NRL: variants seen among roughly 807,000 people sequenced by gnomAD.
The protein encoded by NRL is neural retina-specific leucine zipper protein.
A neutral mutation model predicts 12.5 loss-of-function variants in NRL; 16 were observed. The observed-to-expected ratio is 1.28, with a 90% confidence interval of 0.87 to 1.95. NRL has a LOEUF of 1.95. Ranked by LOEUF, NRL falls within the 30% of genes most tolerant of loss-of-function variation. NRL has a pLI of 0.00. For missense variants in NRL, 314 were observed against 325.8 expected, an observed-to-expected ratio of 0.96 and a Z score of 0.28; for synonymous variants, 142 against 150.9, an observed-to-expected ratio of 0.94 and a Z score of 0.43.
chr14:24,090,747 G>A (rs2036603026), intron 1 of NRL, among the ~76,000 whole-genome samples: 1 of 152,218 alleles, frequency 6.6e-6, no homozygotes, highest in Admixed American at 6.5e-5. Context: ...GGTGGGCCAG[G>A]CTCTCCCGGC....
Position 24,093,433 on chromosome 14 carries a change from ACTTTGGGAGGC to A in NRL, c.-27-10569_-27-10559del, listed in dbSNP as rs552547653. On this transcript the variant is annotated intron_variant, in intron 1 of 2. Coordinates refer to ENST00000561028, the MANE Select transcript of NRL (RefSeq NM_001354768.3). ...GTGGCTCACGCCTGTAAATTCCAGCACTTTGGGAGGCCAAGGCAGGCGGATCACGAGGTCAG... is the reference window on the plus strand; with the variant it reads ...GTGGCTCACGCCTGTAAATTCCAGCACAAGGCAGGCGGATCACGAGGTCAG... 5.3e-5 allele frequency: 8 copies of A among 152,342 alleles called. No individual in the cohort carries two copies. The East Asian group carries it at 1.5e-3, about 29-fold the overall frequency. 9.4% of individuals were successfully genotyped at this position (152,342 alleles called of 1,614,324 possible).
In NRL at chr14:24,094,824, C is replaced by G; in HGVS notation, c.-27-11949G>C. 1 of 1,326,772 alleles carries G rather than the reference C, an allele frequency of 7.5e-7. No homozygotes were observed. The highest frequency in any genetic ancestry group is 9.9e-7 in the Non-Finnish European group (1 of 1,013,510). 82.2% of individuals were successfully genotyped at this position (1,326,772 alleles called of 1,614,324 possible). On this transcript the variant is annotated intron_variant, in intron 1 of 2. Transcript: ENST00000561028. The surrounding 1 kb of genome is among the most constrained non-coding windows in gnomAD (Gnocchi z 4.1). ...CAGCGCCCCAGGGTACTTCGAGAGG[C>G]AGCAGGGCCCTGGGGACAAGGGTAC...
rs367670482 is a variant in NRL at position 24,097,736 on chromosome 14, A to G, written c.-27-14861T>C. Among the ~76,000 whole-genome samples, 355 of 151,892 alleles carry G rather than the reference A, an allele frequency of 2.3e-3. 3 individuals are homozygous for G. The highest frequency in any genetic ancestry group is 8.3e-3 in the African/African-American group (345 of 41,430). On this transcript the variant is annotated intron_variant, in intron 1 of 2. Coordinates refer to ENST00000561028, the MANE Select transcript of NRL (RefSeq NM_001354768.3). ...AGCCTCCGGAGTAGCTGGGATTACA[A>G]GCATGCGCCACCACACCCAGCTGAT...
chr14:24,099,735 GATCAT>G, intron 1 of NRL: 1 of 1,609,834 alleles, frequency 6.2e-7, no homozygotes, highest in Non-Finnish European at 8.5e-7. Flanking sequence ...GGGACTCTCA[GATCAT>G]ACTCTTGGTT....
At chr14:24,099,138 G>A (rs780860706) in intron 1 of NRL, 13 of 1,611,976 alleles carry the variant, frequency 8.1e-6, no homozygotes, top group South Asian at 2.2e-5. Context: ...CTTCGGCAGC[G>A]GCTATGGTGG....
At chr14:24,107,025 C>A (rs1391028152) in intron 1 of NRL, among the ~76,000 whole-genome samples, 4 of 152,174 alleles carry the variant, frequency 2.6e-5, no homozygotes, top group African/African-American at 9.7e-5. Flanking sequence ...CACCTTTCCA[C>A]TTTATAATGA....
At chr14:24,100,360 A>G in intron 1 of NRL, 2 of 1,456,898 alleles carry the variant, frequency 1.4e-6, no homozygotes, top group South Asian at 2.9e-5. Context: ...TCCCAGGCAA[A>G]ATCTCAGTTC....
At chr14:24,109,743 T>C (rs1441326616) in intron 1 of NRL, among the ~76,000 whole-genome samples, 2 of 151,704 alleles carry the variant, frequency 1.3e-5, no homozygotes, top group African/African-American at 4.8e-5. Context: ...AATTAATCAA[T>C]GAATCCAGTG....
chr14:24,090,775 T>C lies in NRL; in HGVS notation c.-27-7900A>G, dbSNP rs574738639. ...CTCCCGGCAGGGAACTAAAGAAAAG[T>C]GTGTGGCAGATAAGGGGAAATGAGC... is the stretch of plus-strand genomic sequence containing the variant. On this transcript the variant is annotated intron_variant, in intron 1 of 2. Transcript: ENST00000561028. Among the ~76,000 whole-genome samples the C allele has an allele frequency of 2.4e-4, 37 of 152,174 alleles. 1 individual carries two copies. The South Asian group carries it at 6.4e-3, about 26-fold the overall frequency.
intron 1 of NRL, chr14:24,099,692 T>C (rs2037076044): frequency 6.2e-7 from 1 of 1,613,624 alleles, no homozygotes; most frequent in Non-Finnish European, 8.5e-7. Flanking sequence ...TGGGGGATGA[T>C]ATTGCTTGGA....
intron 1 of NRL, chr14:24,100,603 C>G (rs1458268924): frequency 9.4e-7 from 1 of 1,063,044 alleles, no homozygotes; most frequent in East Asian, 6.7e-5. Flanking sequence ...AAAGGAAGGA[C>G]TTTTGAACAT....
chr14:24,079,639 G>C lies in NRL; in HGVS notation c.*1597C>G, dbSNP rs755563812. On this transcript the variant is annotated 3_prime_UTR_variant, in exon 3 of 3. Coordinates refer to ENST00000561028, the MANE Select transcript of NRL (RefSeq NM_001354768.3). ...GTGATGGGAAGAGAAGAGACAGCTG[G>C]GGAGGGGGTGGAGAGAGGGGGTAGA... 3.3e-5 allele frequency among the ~76,000 whole-genome samples: 5 copies of C among 152,072 alleles called. No homozygotes were observed. Among genetic ancestry groups the C allele is most frequent in the Non-Finnish European group, 7.4e-5 (5 of 67,994 alleles).
intron 1 of NRL, chr14:24,102,972 C>A: frequency 7.1e-7 from 1 of 1,407,946 alleles, no homozygotes; most frequent in Non-Finnish European, 9.9e-7. Flanking sequence ...TGATCCAGAG[C>A]CTCAGCCTGG....
chr14:24,104,789 T>C (rs541491445), intron 1 of NRL, among the ~76,000 whole-genome samples: 1 of 152,316 alleles, frequency 6.6e-6, no homozygotes, highest in African/African-American at 2.4e-5. Context: ...GTGGCTTCAT[T>C]GTCAGTTCTC....
At position 24,098,237 on chromosome 14, in the gene NRL, C is replaced by T. The variant is rs142415107; in HGVS notation, c.-27-15362G>A. On this transcript the variant is annotated intron_variant, in intron 1 of 2. Transcript: ENST00000561028. ...CCGCACAGACCCCAAGGATGTGGCACGAGTAGAGAGCAAGACGGTGATTGT... is the reference window on the plus strand; with the variant it reads ...CCGCACAGACCCCAAGGATGTGGCATGAGTAGAGAGCAAGACGGTGATTGT... The T allele has an allele frequency of 1.9e-5, 31 of 1,613,228 alleles. No homozygotes were observed. Among genetic ancestry groups the T allele is most frequent in the Admixed American group, 5.0e-5 (3 of 59,942 alleles).
At position 24,085,337 on chromosome 14, in the gene NRL, G is replaced by C. The variant is rs1326067916; in HGVS notation, c.-27-2462C>G. Among the ~76,000 whole-genome samples, 1 of 152,200 alleles carries C rather than the reference G, an allele frequency of 6.6e-6. No homozygotes were observed. Among genetic ancestry groups the C allele is most frequent in the Non-Finnish European group, 1.5e-5 (1 of 68,030 alleles). ...ATCTAATCACCACCAGTCCGTCGGA[G>C]ACACTTTTGTAACTGGCCTCATATG... On this transcript the variant is annotated intron_variant, in intron 1 of 2. Coordinates refer to ENST00000561028, the MANE Select transcript of NRL (RefSeq NM_001354768.3). The surrounding 1 kb of genome is among the most constrained non-coding windows in gnomAD (Gnocchi z 4.1).
At position 24,114,923 on chromosome 14, in the gene NRL, T is replaced by C; in HGVS notation, c.-229A>G. The C allele has an allele frequency of 1.0e-6, 1 of 986,020 alleles. No individual in the cohort carries two copies. Among genetic ancestry groups the C allele is most frequent in the Non-Finnish European group, 1.2e-6 (1 of 829,996 alleles). The allele number at this position is 986,020 out of a possible 1,614,324, so 61.1% of individuals were successfully genotyped here. ...TGCGGGTCCTGCGACCGCTCCTGGC[T>C]GGTGGGTGGTCTCGCGTGGGGCGGT... is the stretch of plus-strand genomic sequence containing the variant. On this transcript the variant is annotated 5_prime_UTR_variant, in exon 1 of 3. Coordinates refer to ENST00000561028, the MANE Select transcript of NRL (RefSeq NM_001354768.3).
At position 24,094,330 on chromosome 14, in the gene NRL, TC is replaced by T; in HGVS notation, c.-27-11456del. 1 of 1,409,596 alleles carries T rather than the reference TC, an allele frequency of 7.1e-7. No homozygotes were observed. 87.3% of individuals were successfully genotyped at this position (1,409,596 alleles called of 1,614,324 possible). A position where few individuals can be genotyped will look rare whatever the true frequency, so the allele number is the denominator to read the frequency against. ...TCTGCTGTGGCTCGCTTCGCCGCGC[TC>T]CCTCCTTCCCCGCCTTCCATACCTC... On this transcript the variant is annotated intron_variant, in intron 1 of 2. Coordinates refer to ENST00000561028, the MANE Select transcript of NRL (RefSeq NM_001354768.3). The surrounding 1 kb of genome is among the most constrained non-coding windows in gnomAD (Gnocchi z 4.1).
At chr14:24,099,062 C>A (rs769221475) in intron 1 of NRL, 1 of 1,602,350 alleles carries the variant, frequency 6.2e-7, no homozygotes, top group Non-Finnish European at 8.5e-7. Context: ...AGCCAGTGAG[C>A]CAGTGGCCGT....
Sources: allele counts gnomAD v4.1 joint callset (sites outside exome capture counted in the v4.1 genomes callset), GRCh38; gene constraint gnomAD v4.1.1; non-coding constraint Gnocchi (gnomAD v3.1); transcripts MANE v1.5; gene names NCBI Gene and HGNC (gene_info 2026-07-23, HGNC 2026-07-21).